Variants in ZNF335 observed in about 807,000 individuals in gnomAD.
ZNF335 encodes the protein NRC-interacting factor 1.
In ZNF335, 84 loss-of-function variants were observed where a neutral mutation model predicts 145.6. That is an observed-to-expected ratio of 0.58 (90% CI 0.48 to 0.69). The LOEUF (loss-of-function observed/expected upper bound fraction) is 0.69, where lower values mean the gene tolerates loss of function less well. Ranked by LOEUF, ZNF335 falls within the 30% of genes least tolerant of loss-of-function variation. The pLI, the probability that ZNF335 is intolerant of heterozygous loss-of-function variation, is 0.00. For missense variants in ZNF335, 1,865 were observed against 1,809.7 expected, an observed-to-expected ratio of 1.03 and a Z score of -0.55; for synonymous variants, 761 against 717.0, an observed-to-expected ratio of 1.06 and a Z score of -0.98.
At chr20:45,949,926 G>A (rs141724829) in intron 23 of ZNF335, 40 bp downstream of exon 23, 1 of 1,612,154 alleles carries the variant, frequency 6.2e-7, no homozygotes, top group African/African-American at 1.3e-5. Flanking sequence ...CCCAACCCCT[G>A]CCTGTCGCTG....
chr20:45,971,396 C>G lies in ZNF335; in HGVS notation c.15G>C (p.Glu5Asp). The change falls in exon 2 of 28, where the codon GAG becomes GAC. Residue 5 changes from glutamate (E) to aspartate (D), a missense_variant. Coordinates refer to ENST00000322927, the MANE Select transcript of ZNF335 (RefSeq NM_022095.4). Reference protein sequence around the residue: MEENEVESSSDAAPG... With the variant: MEENDVESSSDAAPG... ...GGGCCGCGTCGCTGCTGCTCTCCAC[C>G]TCGTTCTCCTCCATCTGATCGGCGG... is the stretch of plus-strand genomic sequence containing the variant. The G allele has an allele frequency of 6.2e-7, 1 of 1,600,514 alleles. No individual in the cohort carries two copies. Among genetic ancestry groups the G allele is most frequent in the Non-Finnish European group, 8.5e-7 (1 of 1,179,762 alleles).
chr20:45,950,623 T>A (rs1215973694), intron 20 of ZNF335, 28 bp from the exon 21 acceptor site: 2 of 1,613,072 alleles, frequency 1.2e-6, no homozygotes, highest in East Asian at 2.2e-5. Context: ...TTGGGGGCAT[T>A]GGCTGGGTCA....
Position 45,948,899 on chromosome 20 carries a change from C to G in ZNF335, c.*54G>C. 1 of 1,611,890 alleles carries G rather than the reference C, an allele frequency of 6.2e-7. No homozygotes were observed. Among genetic ancestry groups the G allele is most frequent in the Non-Finnish European group, 8.5e-7 (1 of 1,179,238 alleles). On this transcript the variant is annotated 3_prime_UTR_variant, in exon 28 of 28. Transcript: ENST00000322927. ...GAGGGAGGTGAGTCCTGGTGGCCCC[C>G]TACCCCCAGGAGAGCTGGCCGCAAA...
chr20:45,948,821 T>C lies in ZNF335; in HGVS notation c.*132A>G. The C allele has an allele frequency of 1.4e-6, 2 of 1,448,156 alleles. No homozygotes were observed. Among genetic ancestry groups the C allele is most frequent in the South Asian group, 1.3e-5 (1 of 79,840 alleles). The allele number at this position is 1,448,156 out of a possible 1,614,324, so 89.7% of individuals were successfully genotyped here. On this transcript the variant is annotated 3_prime_UTR_variant, in exon 28 of 28. Coordinates refer to ENST00000322927, the MANE Select transcript of ZNF335 (RefSeq NM_022095.4). ...CTAACCCCAACAGCACAGGTCTGGC[T>C]CCCTGGGAATGAGAGGATGCTGGCT...
In ZNF335 at chr20:45,955,350, C is replaced by CAAAAAAAAAAAAA. The variant is rs61555698; in HGVS notation, c.2443-1415_2443-1403dup. On this transcript the variant is annotated intron_variant, in intron 17 of 27. Coordinates refer to ENST00000322927, the MANE Select transcript of ZNF335 (RefSeq NM_022095.4). ...TGGGCAACAGAGCAAGACTCTGTCT[C>CAAAAAAAAAAAAA]AAAAAAAAAAAAAAAAAAAAGATTT... Among the ~76,000 whole-genome samples, 118 of 37,294 alleles carry CAAAAAAAAAAAAA rather than the reference C, an allele frequency of 3.2e-3. 23 individuals are homozygous for CAAAAAAAAAAAAA. Among genetic ancestry groups the CAAAAAAAAAAAAA allele is most frequent in the South Asian group, 0.01 (6 of 576 alleles). The allele number at this position is 37,294 out of a possible 152,430, so 24.5% of individuals were successfully genotyped here.
chr20:45,952,508 C>T lies in ZNF335; in HGVS notation c.2828G>A (p.Gly943Asp), dbSNP rs780944213. The T allele has an allele frequency of 6.4e-7, 1 of 1,573,726 alleles. No individual in the cohort carries two copies. Among genetic ancestry groups the T allele is most frequent in the Non-Finnish European group, 8.7e-7 (1 of 1,155,986 alleles). ...QLHHIELTAD[G>D]SISFPSPDAL... is the part of the protein sequence containing the mutation. ...ATCTGGACTTGGGAAGGAGATGGAG[C>T]CATCTGCGGTGAGCTGTAGAGAGAC... Residue 943 changes from glycine to aspartate, a missense_variant, in exon 20 of 28, where the codon GGC becomes GAC. By Grantham distance (94) the Gly-to-Asp change is moderately conservative. Coordinates refer to ENST00000322927, the MANE Select transcript of ZNF335 (RefSeq NM_022095.4).
chr20:45,949,981 CTGTTCCTGGGCAACGATGATG>C lies in ZNF335; in HGVS notation c.3555_3575del (p.His1185_Glu1191del). The C allele has an allele frequency of 6.2e-7, 1 of 1,614,196 alleles. No homozygotes were observed. The highest frequency in any genetic ancestry group is 8.5e-7 in the Non-Finnish European group (1 of 1,180,030). On this transcript the variant is annotated inframe_deletion, in exon 23 of 28. Coordinates refer to ENST00000322927, the MANE Select transcript of ZNF335 (RefSeq NM_022095.4). ...TGACTCTTACCTGATTGGTCACTGT[CTGTTCCTGGGCAACGATGATG>C]TGTTCCTGGCTCAGTGCCTGCTGTA... is the stretch of plus-strand genomic sequence containing the variant.
At chr20:45,951,580 A>C (rs1568806067) in intron 20 of ZNF335, among the ~76,000 whole-genome samples, 1 of 152,206 alleles carries the variant, frequency 6.6e-6, no homozygotes, top group African/African-American at 2.4e-5. Flanking sequence ...TCTTAGAAGG[A>C]GTGTGTGACC....
Position 45,957,917 on chromosome 20 carries a change from C to T in ZNF335, c.2265G>A (p.Glu755=), listed in dbSNP as rs754941169. 3 of 1,613,962 alleles carry T rather than the reference C, an allele frequency of 1.9e-6. No homozygotes were observed. The highest frequency in any genetic ancestry group is 1.1e-5 in the South Asian group (1 of 91,090). The change falls in exon 16 of 28, where the codon GAG becomes GAA. Residue 755 remains glutamate (E), a synonymous_variant. Coordinates refer to ENST00000322927, the MANE Select transcript of ZNF335 (RefSeq NM_022095.4). The stretch of plus-strand genomic sequence containing the variant: ...CCTCAGATGACTGGAAAGTTGTCGC[C>T]TCTGGGGGTATCTATGGGGTGGAGA... ...SSPGPPEIPP[E]ATTFQSSEAP...
intron 15 of ZNF335, 114 bp from the exon 16 acceptor site, chr20:45,958,042 C>A: frequency 3.8e-6 from 3 of 782,446 alleles, no homozygotes; most frequent in African/African-American, 1.8e-5. Context: ...GTTTCATCTT[C>A]ATAACCACTT....
At position 45,957,825 on chromosome 20, in the gene ZNF335, C is replaced by G; in HGVS notation, c.2347+10G>C. 8.1e-6 allele frequency: 13 copies of G among 1,613,458 alleles called. No individual in the cohort carries two copies. Among genetic ancestry groups the G allele is most frequent in the Non-Finnish European group, 9.3e-6 (11 of 1,179,528 alleles). On this transcript the variant is annotated intron_variant, in intron 16 of 27. Coordinates refer to ENST00000322927, the MANE Select transcript of ZNF335 (RefSeq NM_022095.4). ...CCCTCCATGAGCTCCTATCCTCCTA[C>G]AGAGCTCACCTTGCTGGTAGATGAT...
intron 9 of ZNF335, 84 bp from the exon 10 acceptor site, chr20:45,962,266 T>G (rs1158807264): frequency 9.1e-7 from 1 of 1,101,120 alleles, no homozygotes; most frequent in Non-Finnish European, 1.4e-6. Flanking sequence ...GCCACAGTCT[T>G]AGGGTTGCTG....
chr20:45,948,710 CA>C lies in ZNF335; in HGVS notation c.*242del, dbSNP rs1277196087. 11 of 536,360 alleles carry C rather than the reference CA, an allele frequency of 2.1e-5. No individual in the cohort carries two copies. Among genetic ancestry groups the C allele is most frequent in the Admixed American group, 1.6e-4 (5 of 31,524 alleles). 33.2% of individuals were successfully genotyped at this position (536,360 alleles called of 1,614,324 possible). On this transcript the variant is annotated 3_prime_UTR_variant, in exon 28 of 28. Transcript: ENST00000322927. Reference sequence around the variant, plus strand: ...ATTGAGACTGACAGGCCAGTGGGTCCACCCAAACAAAAATAAATTTCTCTCC... The same window carrying C: ...ATTGAGACTGACAGGCCAGTGGGTCCCCCAAACAAAAATAAATTTCTCTCC...
chr20:45,957,544 C>T, intron 17 of ZNF335, 42 bp downstream of exon 17: 4 of 1,590,090 alleles, frequency 2.5e-6, no homozygotes, highest in Non-Finnish European at 8.6e-7. Context: ...GGCTGGGTAC[C>T]TGCGGTAGCT....
intron 17 of ZNF335, among the ~76,000 whole-genome samples, chr20:45,956,863 C>T (rs1375412223): frequency 6.6e-6 from 1 of 151,684 alleles, no homozygotes; most frequent in Non-Finnish European, 1.5e-5. Flanking sequence ...TTGGGGGAGT[C>T]TTTCTAGGGA....
rs1237935362 is a variant in ZNF335 at position 45,960,669 on chromosome 20, G to C, written c.1729C>G (p.Leu577Val). Reference sequence around the variant, plus strand: ...CTGTGCGTCTTCATGTGCTGCGTGAGTCTTTTCTGCATGGGGTACACACGG... The same window carrying C: ...CTGTGCGTCTTCATGTGCTGCGTGACTCTTTTCTGCATGGGGTACACACGG... ...CGRVYPMQKR[L>V]TQHMKTHSTE... Residue 577 changes from leucine to valine, a missense_variant, in exon 12 of 28, where the codon CTC becomes GTC. By Grantham distance (32) the Leu-to-Val change is conservative (BLOSUM62 1). Transcript: ENST00000322927. 1.2e-6 allele frequency: 2 copies of C among 1,613,994 alleles called. No homozygotes were observed. Among genetic ancestry groups the C allele is most frequent in the African/African-American group, 1.3e-5 (1 of 74,896 alleles).
Position 45,952,504 on chromosome 20 carries a change from G to A in ZNF335, c.2832C>T (p.Ser944=), listed in dbSNP as rs1387230441. ...GAGCATCTGGACTTGGGAAGGAGAT[G>A]GAGCCATCTGCGGTGAGCTGTAGAG... The part of the protein sequence containing the change: ...LHHIELTADG[S]ISFPSPDALA... Residue 944 remains serine, a synonymous_variant, in exon 20 of 28, where the codon TCC becomes TCT. Transcript: ENST00000322927. 1 of 1,572,992 alleles carries A rather than the reference G, an allele frequency of 6.4e-7. No individual in the cohort carries two copies. Among genetic ancestry groups the A allele is most frequent in the African/African-American group, 1.3e-5 (1 of 74,188 alleles).
At position 45,960,619 on chromosome 20, in the gene ZNF335, G is replaced by T; in HGVS notation, c.1779C>A (p.Asp593Glu). 1 of 1,614,048 alleles carries T rather than the reference G, an allele frequency of 6.2e-7. No homozygotes were observed. The highest frequency in any genetic ancestry group is 2.2e-5 in the East Asian group (1 of 44,868). Residue 593 changes from aspartate (D) to glutamate (E), a missense_variant, in exon 12 of 28, where the codon GAC (aspartate) becomes GAA (glutamate). Asp to Glu is a conservative substitution (Grantham distance 45, BLOSUM62 2). Coordinates refer to ENST00000322927, the MANE Select transcript of ZNF335 (RefSeq NM_022095.4). ...CCCAGCCCTGGCTCCCACCCACCTT[G>T]TCACACATGTGGGGCTTCTCAGTGC... ...THSTEKPHMC[D>E]KCGKSFKKRY...
chr20:45,965,571 G>C, intron 7 of ZNF335, 57 bp downstream of exon 7: 1 of 1,546,372 alleles, frequency 6.5e-7, no homozygotes. Context: ...GAGACAAGCA[G>C]GGAGAGAGGC....
Sources: gnomAD v4.1 joint callset for allele counts (sites outside exome capture counted in the v4.1 genomes callset) on GRCh38, gnomAD v4.1.1 for gene constraint, MANE v1.5 for transcripts, NCBI Gene and HGNC (gene_info 2026-07-23, HGNC 2026-07-21) for gene names.